Variants in DBF4B observed in about 807,000 individuals in gnomAD.
The protein encoded by DBF4B is protein DBF4 homolog B.
Under a neutral mutation model 53.4 loss-of-function variants are expected in DBF4B, and 49 were observed. That is an observed-to-expected ratio of 0.92 (90% CI 0.73 to 1.16). DBF4B has a LOEUF of 1.16. Among genes scored for constraint, DBF4B ranks in the 50% most tolerant of loss-of-function variants. The pLI, the probability that DBF4B is intolerant of heterozygous loss-of-function variation, is 0.00. For synonymous variants in DBF4B, 257 were observed against 288.7 expected (o/e 0.89, Z 1.11); for missense variants, 692 against 775.0 (o/e 0.89, Z 1.27).
At chr17:44,739,132 C>T (rs920409408) in intron 9 of DBF4B, among the ~76,000 whole-genome samples, 1 of 152,174 alleles carries the variant, frequency 6.6e-6, no homozygotes, top group Non-Finnish European at 1.5e-5. Context: ...CCTCTTCCCT[C>T]GGAGCAGGAG....
chr17:44,748,741 G>A (rs1432284727), intron 13 of DBF4B: 1 of 1,360,088 alleles, frequency 7.4e-7, no homozygotes, highest in Non-Finnish European at 9.7e-7. Context: ...TAAGAAGAGA[G>A]TGGGGGCCTC....
chr17:44,743,764 C>G lies in DBF4B; in HGVS notation c.830+2312C>G, dbSNP rs138845376. Among the ~76,000 whole-genome samples the G allele has an allele frequency of 3.5e-3, 528 of 152,014 alleles. 4 individuals carry two copies. Among genetic ancestry groups the G allele is most frequent in the African/African-American group, 0.012 (500 of 41,494 alleles). On this transcript the variant is annotated intron_variant, in intron 10 of 13. Coordinates refer to ENST00000315005, the MANE Select transcript of DBF4B (RefSeq NM_145663.3). ...TGGTTGGGATTACAGTGCACACCAC[C>G]TCGCCCGGCTAATTGTTTGTGTTTT...
chr17:44,747,410 A>G lies in DBF4B; in HGVS notation c.959A>G (p.His320Arg). 1 of 1,614,056 alleles carries G rather than the reference A, an allele frequency of 6.2e-7. No individual in the cohort carries two copies. The highest frequency in any genetic ancestry group is 1.1e-5 in the South Asian group (1 of 91,078). The change falls in exon 12 of 14, where the codon CAC (histidine) becomes CGC (arginine). Residue 320 changes from histidine to arginine, a missense_variant. Around this residue, in one of 3 missense-constraint regions of DBF4B, gnomAD observed 597 missense variants for 665.8 expected, o/e 0.90. Coordinates refer to ENST00000315005, the MANE Select transcript of DBF4B (RefSeq NM_145663.3). Reference sequence around the variant, plus strand: ...CGGCAGCATCTTCAGAGTGCCCAGCACCGGAGCTTTGCCCTGGAAGCCCAT... The same window carrying G: ...CGGCAGCATCTTCAGAGTGCCCAGCGCCGGAGCTTTGCCCTGGAAGCCCAT... ...ELHVHLQSAQ[H>R]RSFALEAHLY...
Position 44,721,646 on chromosome 17 carries a change from A to G in DBF4B, c.83-1234A>G, listed in dbSNP as rs1044171100. 3.6e-4 allele frequency among the ~76,000 whole-genome samples: 54 copies of G among 152,110 alleles called. 1 individual carries two copies. The highest frequency in any genetic ancestry group is 1.3e-4 in the Admixed American group (2 of 15,250). ...TCTGGTTCATTATTATGACAGATAG[A>G]CAATCTATACCAGATAAAGTTTCTT... On this transcript the variant is annotated intron_variant, in intron 2 of 13. Transcript: ENST00000315005.
rs140192701 is a variant in DBF4B at position 44,750,700 on chromosome 17, C to T, written c.1295C>T (p.Pro432Leu). Residue 432 changes from proline (P) to leucine (L), a missense_variant, in exon 14 of 14, where the codon CCG becomes CTG. Physicochemically the swap from Pro to Leu is moderately conservative, Grantham distance 98. Transcript: ENST00000315005. The stretch of plus-strand genomic sequence containing the variant: ...TGTGTGAGTGCCACAACCCTCCTGC[C>T]GGCCTTGCCCAAGGGCTCCAGGGAG... ...HTCVSATTLL[P>L]ALPKGSREQG... 9.3e-6 allele frequency: 15 copies of T among 1,613,972 alleles called. No homozygotes were observed. Among genetic ancestry groups the T allele is most frequent in the African/African-American group, 8.0e-5 (6 of 74,932 alleles).
chr17:44,725,491 T>C (rs1974230542), intron 3 of DBF4B, among the ~76,000 whole-genome samples: 1 of 152,050 alleles, frequency 6.6e-6, no homozygotes, highest in Non-Finnish European at 1.5e-5. Context: ...TTTAGTATAT[T>C]CACAGAAATG....
intron 2 of DBF4B, among the ~76,000 whole-genome samples, chr17:44,713,034 CTTTTTT>C (rs979925867): frequency 9.6e-6 from 1 of 103,900 alleles, no homozygotes; most frequent in Admixed American, 1.0e-4. Context: ...TTTGTATTGA[CTTTTTT>C]TTTTTTTTTT....
At position 44,749,535 on chromosome 17, in the gene DBF4B, G is replaced by A. The variant is rs539237249; in HGVS notation, c.1190-1060G>A. On this transcript the variant is annotated intron_variant, in intron 13 of 13. Coordinates refer to ENST00000315005, the MANE Select transcript of DBF4B (RefSeq NM_145663.3). This position sits in a 1 kb window ranked among gnomAD's most constrained non-coding sequence, Gnocchi z 4.4. ...CACGCTCAGCTCCATGGAGCTGACA[G>A]AGCCACCCCTCCCACTGGCCAGGTC... The A allele has an allele frequency of 8.9e-6, 11 of 1,232,174 alleles. 1 individual carries two copies. In the Admixed American group the frequency reaches 2.8e-4, roughly 31 times the overall value. 76.3% of individuals were successfully genotyped at this position (1,232,174 alleles called of 1,614,324 possible). A position where few individuals can be genotyped will look rare whatever the true frequency, so the allele number is the denominator to read the frequency against.
At chr17:44,716,936 T>TC (rs1973384571) in intron 2 of DBF4B, among the ~76,000 whole-genome samples, 1 of 152,176 alleles carries the variant, frequency 6.6e-6, no homozygotes, top group Admixed American at 6.6e-5. Flanking sequence ...ATTTCCAGCG[T>TC]CCAACATTTT....
chr17:44,734,314 A>G, intron 7 of DBF4B, 151 bp downstream of exon 7: 3 of 934,050 alleles, frequency 3.2e-6, no homozygotes. Flanking sequence ...CCTCAGTCCT[A>G]GTGCCCATAG....
chr17:44,747,034 C>A (rs4793144), intron 10 of DBF4B, 49 bp from the exon 11 acceptor site: 709,857 of 1,564,934 alleles, frequency 0.45, 165,839 homozygotes, highest in East Asian at 0.74. Flanking sequence ...GCTCCTCCCC[C>A]CAAGGGCCCC....
intron 10 of DBF4B, among the ~76,000 whole-genome samples, chr17:44,745,264 C>T (rs1416484393): frequency 6.6e-6 from 1 of 151,990 alleles, no homozygotes. Flanking sequence ...TATTTTTTTC[C>T]TAAGCCTCCC....
At chr17:44,721,030 T>G (rs1329416858) in intron 2 of DBF4B, among the ~76,000 whole-genome samples, 4 of 151,754 alleles carry the variant, frequency 2.6e-5, no homozygotes, top group Non-Finnish European at 5.9e-5. Flanking sequence ...CACGCCCGGT[T>G]ATTTTTTGTA....
rs1030928768 is a variant in DBF4B at position 44,750,739 on chromosome 17, G to T, written c.1334G>T (p.Cys445Phe). 24 of 1,614,028 alleles carry T rather than the reference G, an allele frequency of 1.5e-5. No individual in the cohort carries two copies. The highest frequency in any genetic ancestry group is 1.9e-5 in the Non-Finnish European group (23 of 1,180,040). ...GGCTCCAGGGAGCAGGGCTGCCTCT[G>T]TCCCTGCCCAGCCTCCTTTACCCAG... ...PKGSREQGCLCPCPASFTQSH... is the reference protein window; with the variant it reads ...PKGSREQGCLFPCPASFTQSH... Residue 445 changes from cysteine to phenylalanine, a missense_variant, in exon 14 of 14, where the codon TGT (cysteine) becomes TTT (phenylalanine). By Grantham distance (205) the Cys-to-Phe change is radical. Around this residue, in one of 3 missense-constraint regions of DBF4B, gnomAD observed 597 missense variants for 665.8 expected, o/e 0.90. Coordinates refer to ENST00000315005, the MANE Select transcript of DBF4B (RefSeq NM_145663.3).
At chr17:44,726,080 C>T (rs953057218) in intron 3 of DBF4B, among the ~76,000 whole-genome samples, 23 of 143,724 alleles carry the variant, frequency 1.6e-4, no homozygotes, top group Non-Finnish European at 3.2e-4. Context: ...ACCTCCACCT[C>T]CCGGGTTCAA....
At position 44,708,751 on chromosome 17, in the gene DBF4B, T is replaced by C. The variant is rs1972590111; in HGVS notation, c.-70T>C. ...GGACTGTGGAATCGGGAAGAGCTCA[T>C]GGAGCTCGCGAATGTAATACGGAGG... is the stretch of plus-strand genomic sequence containing the variant. On this transcript the variant is annotated 5_prime_UTR_variant, in exon 1 of 14. The change abolishes an upstream ATG in the 5' untranslated region. Coordinates refer to ENST00000315005, the MANE Select transcript of DBF4B (RefSeq NM_145663.3). 6.5e-6 allele frequency: 10 copies of C among 1,527,628 alleles called. No individual in the cohort carries two copies. In the East Asian group the frequency reaches 2.2e-4, roughly 34 times the overall value. The allele number at this position is 1,527,628 out of a possible 1,614,324, so 94.6% of individuals were successfully genotyped here. A position where few individuals can be genotyped will look rare whatever the true frequency, so the allele number is the denominator to read the frequency against.
At chr17:44,714,847 CTTA>C (rs1426053006) in intron 2 of DBF4B, among the ~76,000 whole-genome samples, 13 of 151,858 alleles carry the variant, frequency 8.6e-5, no homozygotes, top group Non-Finnish European at 1.9e-4. Flanking sequence ...CCATGCCCAG[CTTA>C]TTATTATTAT....
intron 2 of DBF4B, among the ~76,000 whole-genome samples, chr17:44,711,117 C>G (rs1972830563): frequency 6.6e-6 from 1 of 150,876 alleles, no homozygotes; most frequent in South Asian, 2.1e-4. Context: ...TCCTGAGTAG[C>G]TGGGATTACA....
Position 44,749,810 on chromosome 17 carries a change from C to A in DBF4B, c.1190-785C>A. ...GCGGGTTAGCTGTTGGTGTGCTCCA[C>A]CCCCAACCCCGGCCTCCTTTCTCAC... On this transcript the variant is annotated intron_variant, in intron 13 of 13. Transcript: ENST00000315005. The surrounding 1 kb of genome is among the most constrained non-coding windows in gnomAD (Gnocchi z 4.4). The A allele has an allele frequency of 9.6e-7, 1 of 1,046,236 alleles. No individual in the cohort carries two copies. The highest frequency in any genetic ancestry group is 1.2e-6 in the Non-Finnish European group (1 of 866,072). The allele number at this position is 1,046,236 out of a possible 1,614,324, so 64.8% of individuals were successfully genotyped here. A position where few individuals can be genotyped will look rare whatever the true frequency, so the allele number is the denominator to read the frequency against.
Sources: gnomAD v4.1 joint callset for allele counts (sites outside exome capture counted in the v4.1 genomes callset) on GRCh38, gnomAD v4.1.1 for gene constraint, gnomAD v4.1.1 regional missense constraint, Gnocchi (gnomAD v3.1) non-coding constraint, MANE v1.5 for transcripts, NCBI Gene and HGNC (gene_info 2026-07-23, HGNC 2026-07-21) for gene names.